The following NSD1 variants were observed in gnomAD, a reference collection of about 807,000 sequenced individuals.
NSD1 encodes the protein nuclear receptor binding SET domain protein 1.
In NSD1, 26 loss-of-function variants were observed where a neutral mutation model predicts 242.7. That is an observed-to-expected ratio of 0.11 (90% CI 0.08 to 0.15). NSD1 has a LOEUF of 0.15. Ranked by LOEUF, NSD1 falls within the 10% of genes least tolerant of loss-of-function variation. The pLI is 1.00. For synonymous variants in NSD1, 1,106 were observed against 1,178.1 expected, an observed-to-expected ratio of 0.94 and a Z score of 1.25; for missense variants, 2,495 against 3,272.8, an observed-to-expected ratio of 0.76 and a Z score of 5.80.
intron 2 of NSD1, among the ~76,000 whole-genome samples, chr5:177,181,426 GGTTTTTTTT>G (rs1760665755): frequency 8.3e-6 from 1 of 119,776 alleles, no homozygotes; most frequent in African/African-American, 4.0e-5. Context: ...GTTTTTTTTT[GGTTTTTTTT>G]TTTTTTTTTT....
chr5:177,298,543 T>C lies in NSD1; in HGVS notation c.*3084T>C, dbSNP rs1184351337. ...AGAAACATCCTCATTTTTAAATGTCTGCTTTACCCTGTTACTGAGTTTGAG... is the reference window on the plus strand; with the variant it reads ...AGAAACATCCTCATTTTTAAATGTCCGCTTTACCCTGTTACTGAGTTTGAG... On this transcript the variant is annotated 3_prime_UTR_variant, in exon 23 of 23. Transcript: ENST00000439151. The C allele has an allele frequency of 4.3e-6, 1 of 233,228 alleles. No individual in the cohort carries two copies. Among genetic ancestry groups the C allele is most frequent in the Non-Finnish European group, 8.5e-6 (1 of 118,066 alleles). 14.4% of individuals were successfully genotyped at this position (233,228 alleles called of 1,614,324 possible).
At position 177,224,569 on chromosome 5, in the gene NSD1, A is replaced by G. The variant is rs1273947030; in HGVS notation, c.3797-11252A>G. The stretch of plus-strand genomic sequence containing the variant: ...TTTGCTGAACTCATCTCTGTTAATT[A>G]ATAGAATTGATTACTGTTTGTTAGT... On this transcript the variant is annotated intron_variant, in intron 5 of 22. Coordinates refer to ENST00000439151, the MANE Select transcript of NSD1 (RefSeq NM_022455.5). 2.0e-5 allele frequency among the ~76,000 whole-genome samples: 3 copies of G among 151,738 alleles called. 1 individual carries two copies. Among genetic ancestry groups the G allele is most frequent in the Non-Finnish European group, 4.4e-5 (3 of 67,966 alleles).
At chr5:177,275,467 G>A (rs1250394983) in intron 17 of NSD1, among the ~76,000 whole-genome samples, 3 of 88,394 alleles carry the variant, frequency 3.4e-5, no homozygotes, top group Non-Finnish European at 6.2e-5. Flanking sequence ...TTTTTGAGAT[G>A]GAGTCGCCCA....
At chr5:177,136,066 A>C (rs764641829) in intron 2 of NSD1, 36 bp downstream of exon 2, 3 of 1,527,666 alleles carry the variant, frequency 2.0e-6, no homozygotes, top group Non-Finnish European at 2.7e-6. Flanking sequence ...ATATATACAT[A>C]TATGTATATA....
intron 8 of NSD1, among the ~76,000 whole-genome samples, chr5:177,240,942 C>T (rs868833729): frequency 1.3e-5 from 2 of 151,932 alleles, no homozygotes; most frequent in South Asian, 4.1e-4. Flanking sequence ...TGTCTTGAGC[C>T]CCAGAGGTCG....
chr5:177,176,353 A>G (rs943227927), intron 2 of NSD1, among the ~76,000 whole-genome samples: 1 of 151,276 alleles, frequency 6.6e-6, no homozygotes, highest in Non-Finnish European at 1.5e-5. Flanking sequence ...TCCACCTCCC[A>G]GGTTCAAGCA....
intron 5 of NSD1, among the ~76,000 whole-genome samples, chr5:177,217,202 G>T (rs566873560): frequency 1.4e-3 from 211 of 152,128 alleles, no homozygotes; most frequent in Non-Finnish European, 2.6e-3. Flanking sequence ...GTTTTGGAGT[G>T]TACAACCATT....
At chr5:177,159,677 C>T (rs1294623205) in intron 2 of NSD1, among the ~76,000 whole-genome samples, 1 of 150,624 alleles carries the variant, frequency 6.6e-6, no homozygotes, top group Non-Finnish European at 1.5e-5. Context: ...CTAACCGCAA[C>T]CTCCGCCTCC....
At chr5:177,266,564 A>G in intron 14 of NSD1, 1 of 689,680 alleles carries the variant, frequency 1.4e-6, no homozygotes, top group Non-Finnish European at 2.3e-6. Flanking sequence ...TCCATGATGC[A>G]GTTCACGACC....
rs371429322 is a variant in NSD1, at chr5:177,287,189, CCTCT to C, written c.6152-1627_6152-1624del. ...ACTGATACTTTCTGATTTAATTTAG[CCTCT>C]CTGTGATTACACTTACATAGTATAT... On this transcript the variant is annotated intron_variant, in intron 20 of 22. Coordinates refer to ENST00000439151, the MANE Select transcript of NSD1 (RefSeq NM_022455.5). 1.1e-4 allele frequency among the ~76,000 whole-genome samples: 16 copies of C among 152,332 alleles called. No homozygotes were observed. The East Asian group carries it at 2.1e-3, about 20-fold the overall frequency.
intron 2 of NSD1, among the ~76,000 whole-genome samples, chr5:177,188,867 T>C (rs531982471): frequency 1.3e-5 from 2 of 152,246 alleles, no homozygotes; most frequent in African/African-American, 4.8e-5. Context: ...CTTTAACAGC[T>C]TGGGCAACGT....
intron 3 of NSD1, among the ~76,000 whole-genome samples, chr5:177,198,426 C>T (rs138397671): frequency 1.6e-4 from 25 of 152,220 alleles, no homozygotes; most frequent in African/African-American, 6.0e-4. Flanking sequence ...AGATAACCAC[C>T]TTGTTGCTGT....
At chr5:177,164,589 A>T (rs1581177049) in intron 2 of NSD1, among the ~76,000 whole-genome samples, 2 of 152,326 alleles carry the variant, frequency 1.3e-5, no homozygotes, top group East Asian at 3.9e-4. Flanking sequence ...ATTATACTGG[A>T]AATGAATGCT....
At chr5:177,234,951 C>T (rs915031261) in intron 5 of NSD1, among the ~76,000 whole-genome samples, 19 of 152,098 alleles carry the variant, frequency 1.2e-4, no homozygotes, top group African/African-American at 2.7e-4. Flanking sequence ...ACACAAAGCC[C>T]GACATTGTTA....
chr5:177,182,709 T>C (rs1011777949), intron 2 of NSD1, among the ~76,000 whole-genome samples: 3 of 152,036 alleles, frequency 2.0e-5, no homozygotes, highest in Non-Finnish European at 2.9e-5. Context: ...CAATCTCAGC[T>C]CACTGTAACC....
chr5:177,158,237 A>ATTTATTTATTTC (rs1335086259), intron 2 of NSD1, among the ~76,000 whole-genome samples: 1 of 109,046 alleles, frequency 9.2e-6, no homozygotes, highest in Non-Finnish European at 1.9e-5. Context: ...ATGGGTTCTA[A>ATTTATTTATTTC]TTTCTTTCTT....
chr5:177,182,720 T>TC (rs1344733198), intron 2 of NSD1, among the ~76,000 whole-genome samples: 4 of 151,948 alleles, frequency 2.6e-5, no homozygotes, highest in Admixed American at 6.6e-5. Flanking sequence ...CACTGTAACC[T>TC]TCCATCTCCC....
intron 5 of NSD1, among the ~76,000 whole-genome samples, chr5:177,217,666 C>G (rs77620931): frequency 1.3e-4 from 14 of 106,234 alleles, no homozygotes; most frequent in African/African-American, 4.8e-4. Context: ...GCGTCACATT[C>G]TTTTTTTTTT....
At chr5:177,293,343 A>G (rs558950687) in intron 22 of NSD1, among the ~76,000 whole-genome samples, 2 of 152,252 alleles carry the variant, frequency 1.3e-5, no homozygotes, top group Admixed American at 1.3e-4. Context: ...GCAAAGGTAA[A>G]TCTTCCATTT....
Sources: gnomAD v4.1 joint callset for allele counts (sites outside exome capture counted in the v4.1 genomes callset) on GRCh38, gnomAD v4.1.1 for gene constraint, MANE v1.5 for transcripts, NCBI Gene and HGNC (gene_info 2026-07-23, HGNC 2026-07-21) for gene names.